Variants in GNAT3 observed in about 807,000 individuals in gnomAD.
GNAT3 encodes guanine nucleotide-binding protein G(t) subunit alpha-3.
A neutral mutation model predicts 37.7 loss-of-function variants in GNAT3; 31 were observed. The ratio of observed to expected loss-of-function variants is 0.82; its 90% CI spans 0.62 to 1.11. The LOEUF (loss-of-function observed/expected upper bound fraction) is 1.11. Among genes scored for constraint, GNAT3 ranks in the 50% most tolerant of loss-of-function variants. GNAT3 has a pLI of 0.00. For missense variants in GNAT3, 437 were observed against 412.5 expected (o/e 1.06, Z -0.51); for synonymous variants, 138 against 139.8 (o/e 0.99, Z 0.09).
At chr7:80,463,489 C>CT (rs1009466500) in intron 5 of GNAT3, among the ~76,000 whole-genome samples, 22 of 152,130 alleles carry the variant, frequency 1.4e-4, no homozygotes, top group South Asian at 8.3e-4. Context: ...TCCAAGGTTG[C>CT]TTTTTTTCTC....
chr7:80,483,217 A>C (rs2116180130), intron 3 of GNAT3, among the ~76,000 whole-genome samples: 1 of 152,284 alleles, frequency 6.6e-6, no homozygotes. Flanking sequence ...TGACTGCATT[A>C]AGAATTTCTG....
chr7:80,482,538 G>T (rs1052680910), intron 3 of GNAT3, among the ~76,000 whole-genome samples: 16 of 150,470 alleles, frequency 1.1e-4, no homozygotes, highest in African/African-American at 3.7e-4. Context: ...TTTTGAGACG[G>T]AGTCTTGCTC....
At chr7:80,461,160 G>GT (rs1308995565) in intron 7 of GNAT3, among the ~76,000 whole-genome samples, 1 of 151,990 alleles carries the variant, frequency 6.6e-6, no homozygotes, top group Admixed American at 6.6e-5. Context: ...GTTGACCAAT[G>GT]TAAGTATTTG....
At chr7:80,508,933 T>C (rs1584202841) in intron 1 of GNAT3, among the ~76,000 whole-genome samples, 1 of 152,108 alleles carries the variant, frequency 6.6e-6, no homozygotes, top group Non-Finnish European at 1.5e-5. Flanking sequence ...AGATTTCTTA[T>C]TTTTGTAAAT....
At chr7:80,488,865 A>G (rs563728746) in intron 2 of GNAT3, among the ~76,000 whole-genome samples, 189 bp from the exon 3 acceptor site, 1 of 152,216 alleles carries the variant, frequency 6.6e-6, no homozygotes, top group Non-Finnish European at 1.5e-5. Flanking sequence ...TTTATACAGT[A>G]TTTTCTTTCT....
At chr7:80,465,191 C>T (rs1408329707) in intron 5 of GNAT3, among the ~76,000 whole-genome samples, 2 of 152,018 alleles carry the variant, frequency 1.3e-5, no homozygotes, top group Admixed American at 6.6e-5. Context: ...TTTCAGACTT[C>T]GTAAACTGGA....
intron 5 of GNAT3, among the ~76,000 whole-genome samples, chr7:80,473,777 G>A (rs962761386): frequency 3.3e-5 from 5 of 152,014 alleles, no homozygotes; most frequent in African/African-American, 1.2e-4. Context: ...TATAAAATAT[G>A]CCTTGTTATT....
At chr7:80,495,240 C>T (rs1262689030) in intron 1 of GNAT3, among the ~76,000 whole-genome samples, 1 of 152,170 alleles carries the variant, frequency 6.6e-6, no homozygotes, top group East Asian at 1.9e-4. Context: ...TCTTTGGGTA[C>T]ATATGCTGTA....
In GNAT3 at chr7:80,462,330, T is replaced by C; in HGVS notation, c.721-18A>G. The C allele has an allele frequency of 1.9e-6, 3 of 1,608,318 alleles. No individual in the cohort carries two copies. The highest frequency in any genetic ancestry group is 2.6e-6 in the Non-Finnish European group (3 of 1,175,582). Reference sequence around the variant, plus strand: ...ATTCTATTCTGTTAGGTATCAGAAATGAGAATGGGTAGGATTATTATTTGC... The same window carrying C: ...ATTCTATTCTGTTAGGTATCAGAAACGAGAATGGGTAGGATTATTATTTGC... On this transcript the variant is annotated intron_variant, in intron 6 of 7. Transcript: ENST00000398291.
At chr7:80,477,327 TTG>T (rs1255786921) in intron 4 of GNAT3, among the ~76,000 whole-genome samples, 1 of 152,160 alleles carries the variant, frequency 6.6e-6, no homozygotes, top group East Asian at 1.9e-4. Flanking sequence ...TTCTTACTCA[TTG>T]TGACTACCTT....
Position 80,474,260 on chromosome 7 carries a change from A to G in GNAT3, c.581T>C (p.Leu194Ser), listed in dbSNP as rs1409330544. The stretch of plus-strand genomic sequence containing the variant: ...AGATATTTGATCATACCTGAAGTGC[A>G]AGTCTTTAAAGGAGAATTGAGTTTC... The part of the protein sequence containing the change: ...IIETQFSFKD[L>S]HFRMFDVGGQ... The change falls in exon 5 of 8, where the codon TTG becomes TCG. Residue 194 changes from leucine (L) to serine (S), a missense_variant. Physicochemically the swap from Leu to Ser is moderately radical, Grantham distance 145. Transcript: ENST00000398291. 6.2e-7 allele frequency: 1 copy of G among 1,603,846 alleles called. No individual in the cohort carries two copies.
intron 1 of GNAT3, among the ~76,000 whole-genome samples, chr7:80,508,816 T>C (rs1334026914): frequency 6.6e-6 from 1 of 152,088 alleles, no homozygotes; most frequent in Non-Finnish European, 1.5e-5. Context: ...ACATCCGCTT[T>C]GCAGTACATG....
intron 3 of GNAT3, among the ~76,000 whole-genome samples, chr7:80,481,198 G>T (rs1790386311): frequency 6.6e-6 from 1 of 152,104 alleles, no homozygotes; most frequent in African/African-American, 2.4e-5. Context: ...AGCTTTTATT[G>T]TTAAAAGTAA....
intron 4 of GNAT3, among the ~76,000 whole-genome samples, chr7:80,478,211 C>G (rs1790336664): frequency 6.6e-6 from 1 of 152,116 alleles, no homozygotes; most frequent in Non-Finnish European, 1.5e-5. Flanking sequence ...GTGCCCAGCA[C>G]TAAAGGAAAA....
intron 2 of GNAT3, among the ~76,000 whole-genome samples, chr7:80,491,975 T>C (rs558286743): frequency 6.6e-6 from 1 of 152,252 alleles, no homozygotes; most frequent in African/African-American, 2.4e-5. Flanking sequence ...GAAAATTTAT[T>C]TGAATACTGG....
At position 80,462,529 on chromosome 7, in the gene GNAT3, G is replaced by A; in HGVS notation, c.693C>T (p.Asp231=). ...CTTCTTCGTCTTCCACGAGGACCATGTCATAGGCACTAAGTGCAGCACAAA... is the reference window on the plus strand; with the variant it reads ...CTTCTTCGTCTTCCACGAGGACCATATCATAGGCACTAAGTGCAGCACAAA... The part of the protein sequence containing the change: ...IIFCAALSAY[D]MVLVEDEEVN... Residue 231 remains aspartate (D), a synonymous_variant, in exon 6 of 8, where the codon GAC becomes GAT. Coordinates refer to ENST00000398291, the MANE Select transcript of GNAT3 (RefSeq NM_001102386.3). The A allele has an allele frequency of 6.2e-7, 1 of 1,613,670 alleles. No homozygotes were observed. Among genetic ancestry groups the A allele is most frequent in the Non-Finnish European group, 8.5e-7 (1 of 1,179,718 alleles).
intron 3 of GNAT3, among the ~76,000 whole-genome samples, chr7:80,486,111 A>G (rs1446325190): frequency 6.6e-6 from 1 of 152,228 alleles, no homozygotes; most frequent in East Asian, 1.9e-4. Flanking sequence ...TGTTAAATAA[A>G]CAATTTTAAA....
chr7:80,488,218 A>C (rs2116190891), intron 3 of GNAT3, among the ~76,000 whole-genome samples: 1 of 152,252 alleles, frequency 6.6e-6, no homozygotes, highest in African/African-American at 2.4e-5. Context: ...AGATATTGCA[A>C]ATTGTGTTTA....
At position 80,458,723 on chromosome 7, in the gene GNAT3, G is replaced by T; in HGVS notation, c.1013C>A (p.Ala338Glu). 1 of 1,596,960 alleles carries T rather than the reference G, an allele frequency of 6.3e-7. No individual in the cohort carries two copies. Among genetic ancestry groups the T allele is most frequent in the Non-Finnish European group, 8.5e-7 (1 of 1,170,768 alleles). The change falls in exon 8 of 8, where the codon GCA (alanine) becomes GAA (glutamate). Residue 338 changes from alanine to glutamate, a missense_variant. Transcript: ENST00000398291. ...DTQNVKFVFD[A>E]VTDIIIKENL... ...CTCTTTGATTATTATATCTGTAACT[G>T]CGTCAAACACAAACTTGACATTTTG...
Sources: allele counts gnomAD v4.1 joint callset (sites outside exome capture counted in the v4.1 genomes callset), GRCh38; gene constraint gnomAD v4.1.1; transcripts MANE v1.5; gene names NCBI Gene and HGNC (gene_info 2026-07-23, HGNC 2026-07-21).